The following BRAF variants were observed in gnomAD, a reference collection of about 807,000 sequenced individuals.
The protein encoded by BRAF is B-Raf proto-oncogene, serine/threonine kinase.
Under a neutral mutation model 104.6 loss-of-function variants are expected in BRAF, and 16 were observed. That is an observed-to-expected ratio of 0.15 (90% CI 0.10 to 0.23). BRAF has a LOEUF of 0.23. BRAF is among the 10% of genes least tolerant of loss of function. BRAF has a pLI of 1.00. For synonymous variants in BRAF, 310 were observed against 341.6 expected (o/e 0.91, Z 1.02); for missense variants, 541 against 937.3 (o/e 0.58, Z 5.52).
intron 14 of BRAF, among the ~76,000 whole-genome samples, chr7:140,768,630 G>A (rs1236898118): frequency 6.6e-6 from 1 of 151,992 alleles, no homozygotes; most frequent in Non-Finnish European, 1.5e-5. Context: ...AGTATCTGGG[G>A]CTACAGGAGT....
At chr7:140,782,532 A>G (rs895509595) in intron 11 of BRAF, among the ~76,000 whole-genome samples, 2 of 151,740 alleles carry the variant, frequency 1.3e-5, no homozygotes, top group African/African-American at 4.8e-5. Flanking sequence ...TTCAACAATT[A>G]GTAGCAATAC....
intron 3 of BRAF, among the ~76,000 whole-genome samples, chr7:140,816,986 G>A (rs1586271779): frequency 6.6e-6 from 1 of 151,420 alleles, no homozygotes; most frequent in African/African-American, 2.4e-5. Flanking sequence ...AAAAAAAAAA[G>A]GGTATCCAAA....
intron 14 of BRAF, among the ~76,000 whole-genome samples, chr7:140,760,832 T>G (rs924702369): frequency 2.0e-5 from 3 of 151,326 alleles, no homozygotes; most frequent in Non-Finnish European, 4.4e-5. Flanking sequence ...GAAGGGAAGT[T>G]TAGAGAAAAA....
rs1258644695 is a variant in BRAF at position 140,884,921 on chromosome 7, C to A, written c.139-34709G>T. On this transcript the variant is annotated intron_variant, in intron 1 of 19. Transcript: ENST00000644969. ...ATCTATTTTTTAATGAAAAAAATAA[C>A]CACATTTTCCAAAACAACAAAAAAC... 3.3e-5 allele frequency among the ~76,000 whole-genome samples: 5 copies of A among 151,836 alleles called. No individual in the cohort carries two copies. The East Asian group carries it at 9.6e-4, about 29-fold the overall frequency.
At chr7:140,859,459 CTTTA>C (rs1256041677) in intron 1 of BRAF, among the ~76,000 whole-genome samples, 1 of 152,158 alleles carries the variant, frequency 6.6e-6, no homozygotes, top group Non-Finnish European at 1.5e-5. Flanking sequence ...CTTAATACTT[CTTTA>C]TTTTTCTCCA....
intron 3 of BRAF, among the ~76,000 whole-genome samples, chr7:140,815,430 C>T (rs969728611): frequency 7.0e-6 from 1 of 142,710 alleles, no homozygotes; most frequent in Non-Finnish European, 1.5e-5. Flanking sequence ...CAGGTGTGAG[C>T]CATTTTTTTT....
chr7:140,869,679 A>G (rs1811359618), intron 1 of BRAF, among the ~76,000 whole-genome samples: 1 of 152,072 alleles, frequency 6.6e-6, no homozygotes, highest in East Asian at 1.9e-4. Context: ...TCCAGATGGC[A>G]GGCATGATAT....
chr7:140,796,049 T>G (rs1802460331), intron 7 of BRAF, among the ~76,000 whole-genome samples: 1 of 152,104 alleles, frequency 6.6e-6, no homozygotes, highest in Non-Finnish European at 1.5e-5. Context: ...ATTTACAGGC[T>G]GATTTAAAGT....
rs572300688 is a variant in BRAF, at chr7:140,777,978, C to A, written c.1637+13G>T. On this transcript the variant is annotated intron_variant, in intron 13 of 19. Coordinates refer to ENST00000644969, the MANE Select transcript of BRAF (RefSeq NM_001374258.1). ...CTTCTTTCTCTGGAAAAGAGTAATT[C>A]ACACAAGCTCACCTGAGTACTCCTA... 1 of 1,612,194 alleles carries A rather than the reference C, an allele frequency of 6.2e-7. No homozygotes were observed. Among genetic ancestry groups the A allele is most frequent in the South Asian group, 1.1e-5 (1 of 91,026 alleles).
rs1333413472 is a variant in BRAF at position 140,924,658 on chromosome 7, G to C, written c.46C>G (p.Gln16Glu). 19 of 1,393,602 alleles carry C rather than the reference G, an allele frequency of 1.4e-5. No individual in the cohort carries two copies. The highest frequency in any genetic ancestry group is 1.8e-5 in the Non-Finnish European group (18 of 1,028,560). The allele number at this position is 1,393,602 out of a possible 1,614,324, so 86.3% of individuals were successfully genotyped here. The part of the protein sequence containing the change: ...GGGGGGAEPG[Q>E]ALFNGDMEPE... ...TCCATGTCCCCGTTGAACAGAGCCT[G>C]GCCCGGCTCCGCGCCGCCACCACCG... Residue 16 changes from glutamine (Q) to glutamate (E), a missense_variant, in exon 1 of 20, where the codon CAG (glutamine) becomes GAG (glutamate). Physicochemically the swap from Gln to Glu is conservative, Grantham distance 29. Transcript: ENST00000644969. This position sits in a 1 kb window ranked among gnomAD's most constrained non-coding sequence, Gnocchi z 4.2.
intron 3 of BRAF, among the ~76,000 whole-genome samples, chr7:140,825,233 G>T (rs1805903782): frequency 6.6e-6 from 1 of 152,118 alleles, no homozygotes; most frequent in South Asian, 2.1e-4. Flanking sequence ...CTCCCAAAGT[G>T]CTGGGATTAC....
chr7:140,716,889 C>T (rs1795140001), downstream of BRAF, among the ~76,000 whole-genome samples: 3 of 152,204 alleles, frequency 2.0e-5, no homozygotes, highest in South Asian at 2.1e-4. Context: ...TTGACCCTGT[C>T]GCCTGCTGCA....
intron 3 of BRAF, among the ~76,000 whole-genome samples, chr7:140,821,400 A>G (rs1407132935): frequency 6.7e-6 from 1 of 150,238 alleles, no homozygotes; most frequent in Non-Finnish European, 1.5e-5. Flanking sequence ...CCCAGGGTCA[A>G]GCAATTCTCC....
intron 1 of BRAF, among the ~76,000 whole-genome samples, chr7:140,881,196 G>A (rs532079420): frequency 6.6e-6 from 1 of 151,976 alleles, no homozygotes; most frequent in Non-Finnish European, 1.5e-5. Flanking sequence ...CACAGACAGA[G>A]TAAATTTTGC....
chr7:140,818,962 G>T (rs140675235), intron 3 of BRAF, among the ~76,000 whole-genome samples: 3 of 152,260 alleles, frequency 2.0e-5, no homozygotes, highest in Non-Finnish European at 4.4e-5. Flanking sequence ...AGATACTGAA[G>T]AGAGCTTACC....
intron 3 of BRAF, among the ~76,000 whole-genome samples, chr7:140,813,910 C>CAT (rs1804552338): frequency 6.6e-6 from 1 of 152,052 alleles, no homozygotes; most frequent in South Asian, 2.1e-4. Context: ...CACACACACA[C>CAT]ACACCCTCCT....
chr7:140,727,373 G>A (rs1376794008), intron 19 of BRAF, among the ~76,000 whole-genome samples: 3 of 151,680 alleles, frequency 2.0e-5, no homozygotes, highest in Non-Finnish European at 4.4e-5. Flanking sequence ...TAGTAGAGAT[G>A]GGGTTTCACC....
At chr7:140,869,089 A>G (rs1450534256) in intron 1 of BRAF, among the ~76,000 whole-genome samples, 2 of 152,228 alleles carry the variant, frequency 1.3e-5, no homozygotes, top group African/African-American at 4.8e-5. Context: ...TGGGAGGACA[A>G]GGCATAGGAT....
chr7:140,738,908 G>T (rs1440565453), intron 18 of BRAF, among the ~76,000 whole-genome samples: 4 of 151,308 alleles, frequency 2.6e-5, no homozygotes, highest in African/African-American at 9.8e-5. Flanking sequence ...ACGACACCTG[G>T]CCTTAGTTAC....
Sources: allele counts gnomAD v4.1 joint callset (sites outside exome capture counted in the v4.1 genomes callset), GRCh38; gene constraint gnomAD v4.1.1; non-coding constraint Gnocchi (gnomAD v3.1); transcripts MANE v1.5; gene names NCBI Gene and HGNC (gene_info 2026-07-23, HGNC 2026-07-21).